Variants in CCDC60 observed in about 807,000 individuals in gnomAD.
The protein encoded by CCDC60 is coiled-coil domain-containing protein 60.
A neutral mutation model predicts 63.5 loss-of-function variants in CCDC60; 54 were observed. The ratio of observed to expected loss-of-function variants is 0.85; its 90% CI spans 0.68 to 1.07. CCDC60 has a LOEUF of 1.07. Among genes scored for constraint, CCDC60 ranks in the 50% least tolerant of loss-of-function variants. The pLI is 0.00. For synonymous variants in CCDC60, 206 were observed against 238.8 expected, an observed-to-expected ratio of 0.86 and a Z score of 1.27; for missense variants, 651 against 684.3, an observed-to-expected ratio of 0.95 and a Z score of 0.54.
intron 1 of CCDC60, among the ~76,000 whole-genome samples, chr12:119,404,535 G>A (rs1455581609): frequency 6.6e-5 from 10 of 152,212 alleles, no homozygotes; most frequent in African/African-American, 2.4e-4. Flanking sequence ...GGCTCAGGAA[G>A]ACCTTTTTGA....
chr12:119,524,956 A>C (rs1417012851), intron 11 of CCDC60, among the ~76,000 whole-genome samples: 1 of 151,646 alleles, frequency 6.6e-6, no homozygotes, highest in African/African-American at 2.4e-5. Context: ...ATGAGCCACC[A>C]CACACAGCTG....
chr12:119,458,974 C>T (rs1041372845), intron 2 of CCDC60, among the ~76,000 whole-genome samples: 5 of 152,202 alleles, frequency 3.3e-5, no homozygotes, highest in African/African-American at 7.2e-5. Flanking sequence ...TCTCGAATTC[C>T]TGACCTCAGG....
chr12:119,475,373 G>C (rs553363606), intron 3 of CCDC60, among the ~76,000 whole-genome samples: 1 of 152,280 alleles, frequency 6.6e-6, no homozygotes, highest in East Asian at 1.9e-4. Context: ...GTCGTAGAAC[G>C]CAATTCTCCC....
intron 1 of CCDC60, among the ~76,000 whole-genome samples, chr12:119,384,205 A>AG (rs1367981337): frequency 2.6e-5 from 4 of 151,806 alleles, no homozygotes; most frequent in East Asian, 1.9e-4. Flanking sequence ...CAAAAAAAAA[A>AG]AGAGAGAGAG....
At chr12:119,344,614 G>A (rs955850078) in intron 1 of CCDC60, among the ~76,000 whole-genome samples, 1 of 152,100 alleles carries the variant, frequency 6.6e-6, no homozygotes, top group Non-Finnish European at 1.5e-5. Context: ...GTGTGATACT[G>A]TCATTCCCCT....
chr12:119,477,448 T>A (rs1022142917), intron 3 of CCDC60, among the ~76,000 whole-genome samples: 1 of 152,236 alleles, frequency 6.6e-6, no homozygotes, highest in South Asian at 2.1e-4. Context: ...GGAACACTTA[T>A]CACAACTGTG....
chr12:119,400,271 G>A (rs765378538), intron 1 of CCDC60, among the ~76,000 whole-genome samples: 6 of 152,148 alleles, frequency 3.9e-5, no homozygotes, highest in South Asian at 2.1e-4. Context: ...GGATGGTCTC[G>A]ATCTCCTGAC....
At chr12:119,374,566 A>G (rs1955932063) in intron 1 of CCDC60, among the ~76,000 whole-genome samples, 1 of 152,200 alleles carries the variant, frequency 6.6e-6, no homozygotes, top group South Asian at 2.1e-4. Context: ...CGAGACCCCA[A>G]GAGAGGATTC....
intron 2 of CCDC60, among the ~76,000 whole-genome samples, chr12:119,436,664 G>A (rs534856576): frequency 2.6e-5 from 4 of 151,592 alleles, no homozygotes; most frequent in South Asian, 2.1e-4. Flanking sequence ...TCAGCCTCCC[G>A]AGTAGCTGGG....
chr12:119,448,258 C>T (rs1289150891), intron 2 of CCDC60, among the ~76,000 whole-genome samples: 1 of 151,714 alleles, frequency 6.6e-6, no homozygotes, highest in African/African-American at 2.4e-5. Context: ...AAGGTATACA[C>T]ATATGAAATC....
At chr12:119,340,098 G>A (rs1298866104) in intron 1 of CCDC60, among the ~76,000 whole-genome samples, 1 of 151,744 alleles carries the variant, frequency 6.6e-6, no homozygotes, top group Admixed American at 6.6e-5. Context: ...TTCTTGTGCT[G>A]CTAAAAAAGA....
intron 1 of CCDC60, among the ~76,000 whole-genome samples, chr12:119,404,181 T>C (rs1051316978): frequency 5.9e-5 from 9 of 152,156 alleles, no homozygotes; most frequent in Admixed American, 2.6e-4. Flanking sequence ...TCTCAGCTAC[T>C]TGGGAGGCTG....
chr12:119,437,650 T>C (rs1004026605), intron 2 of CCDC60, among the ~76,000 whole-genome samples: 1 of 152,166 alleles, frequency 6.6e-6, no homozygotes, highest in Non-Finnish European at 1.5e-5. Context: ...CCGCTCTCAG[T>C]CGCTTCTGCA....
At chr12:119,492,359 A>C (rs1951610500) in intron 5 of CCDC60, among the ~76,000 whole-genome samples, 1 of 152,102 alleles carries the variant, frequency 6.6e-6, no homozygotes, top group African/African-American at 2.4e-5. Context: ...TGGAGTTGGG[A>C]AGAGAGGTAC....
At chr12:119,398,694 C>T (rs2136218084) in intron 1 of CCDC60, among the ~76,000 whole-genome samples, 1 of 152,340 alleles carries the variant, frequency 6.6e-6, no homozygotes, top group African/African-American at 2.4e-5. Flanking sequence ...CATGGACACA[C>T]TATTAAGTGG....
At chr12:119,387,307 A>G (rs1173168337) in intron 1 of CCDC60, among the ~76,000 whole-genome samples, 1 of 152,334 alleles carries the variant, frequency 6.6e-6, no homozygotes, top group East Asian at 1.9e-4. Flanking sequence ...CTAAACAACA[A>G]CAACAACAAA....
intron 13 of CCDC60, among the ~76,000 whole-genome samples, chr12:119,536,449 C>T (rs573304148): frequency 3.7e-4 from 57 of 152,168 alleles, no homozygotes; most frequent in Admixed American, 3.6e-3. Context: ...GAATTTGATC[C>T]CGTCATTATG....
intron 2 of CCDC60, among the ~76,000 whole-genome samples, chr12:119,463,894 G>A (rs1364667496): frequency 6.6e-6 from 1 of 152,192 alleles, no homozygotes; most frequent in East Asian, 1.9e-4. Flanking sequence ...TCGAGAGGCA[G>A]GTGCCCAGAC....
chr12:119,438,503 C>T (rs1950371750), intron 2 of CCDC60, among the ~76,000 whole-genome samples: 1 of 152,210 alleles, frequency 6.6e-6, no homozygotes, highest in South Asian at 2.1e-4. Flanking sequence ...AATCCTAACT[C>T]TTCCAGTTAT....
Sources: gnomAD v4.1 joint callset for allele counts (sites outside exome capture counted in the v4.1 genomes callset) on GRCh38, gnomAD v4.1.1 for gene constraint, MANE v1.5 for transcripts, NCBI Gene and HGNC (gene_info 2026-07-23, HGNC 2026-07-21) for gene names.